COL14A1: variants seen among roughly 807,000 people sequenced by gnomAD.
COL14A1 encodes the protein collagen type XIV alpha 1 chain, also known as collagen alpha-1(XIV) chain.
Under a neutral mutation model 230.3 loss-of-function variants are expected in COL14A1, and 136 were observed. The observed-to-expected ratio is 0.59, with a 90% CI of 0.51 to 0.68. The LOEUF (loss-of-function observed/expected upper bound fraction) is 0.68. COL14A1 is among the 30% of genes least tolerant of loss of function. The pLI, the probability that COL14A1 is intolerant of heterozygous loss-of-function variation, is 0.00. For missense variants in COL14A1, 1,976 were observed against 2,215.8 expected, an observed-to-expected ratio of 0.89 and a Z score of 2.17; for synonymous variants, 792 against 784.1, an observed-to-expected ratio of 1.01 and a Z score of -0.17.
intron 45 of COL14A1, among the ~76,000 whole-genome samples, chr8:120,357,855 G>A (rs1477032406): frequency 1.3e-5 from 2 of 152,094 alleles, no homozygotes; most frequent in African/African-American, 4.8e-5. Context: ...ATGCAGCTGT[G>A]GGCACCTTTA....
At chr8:120,198,059 C>A in intron 7 of COL14A1, 129 bp downstream of exon 7, 1 of 892,386 alleles carries the variant, frequency 1.1e-6, no homozygotes, top group Non-Finnish European at 1.7e-6. Flanking sequence ...TCTTTGATGG[C>A]TGTTTTCCCA....
At chr8:120,270,552 G>T (rs951471012) in intron 26 of COL14A1, among the ~76,000 whole-genome samples, 1 of 151,744 alleles carries the variant, frequency 6.6e-6, no homozygotes, top group Non-Finnish European at 1.5e-5. Context: ...TGTGGAACAT[G>T]AAACTAACTC....
intron 14 of COL14A1, among the ~76,000 whole-genome samples, chr8:120,219,403 T>C (rs1319366281): frequency 1.3e-5 from 2 of 152,170 alleles, no homozygotes; most frequent in Non-Finnish European, 2.9e-5. Context: ...TGTGCCCAGC[T>C]TGGGAAACTT....
Position 120,300,729 on chromosome 8 carries a change from C to G in COL14A1, c.4315-3C>G. 1 of 1,610,604 alleles carries G rather than the reference C, an allele frequency of 6.2e-7. No individual in the cohort carries two copies. The highest frequency in any genetic ancestry group is 1.1e-5 in the South Asian group (1 of 90,498). Reference sequence around the variant, plus strand: ...TGGTTGTGCTTTTTTTGTTTCTTTTCAGAGAGATGATGAGTCTTGCCCAGA... The same window carrying G: ...TGGTTGTGCTTTTTTTGTTTCTTTTGAGAGAGATGATGAGTCTTGCCCAGA... On this transcript the variant is annotated splice_polypyrimidine_tract_variant and splice_region_variant and intron_variant, in intron 35 of 47. Coordinates refer to ENST00000297848, the MANE Select transcript of COL14A1 (RefSeq NM_021110.4).
At chr8:120,350,582 C>T (rs1401319837) in intron 45 of COL14A1, among the ~76,000 whole-genome samples, 1 of 150,726 alleles carries the variant, frequency 6.6e-6, no homozygotes, top group Non-Finnish European at 1.5e-5. Context: ...GCAGGGGTTG[C>T]AATCCTAGTC....
In COL14A1 at chr8:120,208,274, T is replaced by G; in HGVS notation, c.1234T>G (p.Leu412Val). 7 of 1,613,610 alleles carry G rather than the reference T, an allele frequency of 4.3e-6. No individual in the cohort carries two copies. The highest frequency in any genetic ancestry group is 5.9e-6 in the Non-Finnish European group (7 of 1,179,728). The part of the protein sequence containing the change: ...GTVSSTVLKN[L>V]MSLTEYQIAV... The stretch of plus-strand genomic sequence containing the variant: ...TGTATCTTCCACAGTGTTGAAAAAC[T>G]TGATGTCTTTAACTGAATATCAGAT... Residue 412 changes from leucine to valine, a missense_variant, in exon 11 of 48, where the codon TTG (leucine) becomes GTG (valine). Coordinates refer to ENST00000297848, the MANE Select transcript of COL14A1 (RefSeq NM_021110.4).
chr8:120,158,852 T>C (rs765501983), intron 3 of COL14A1, among the ~76,000 whole-genome samples: 3 of 152,166 alleles, frequency 2.0e-5, no homozygotes, highest in Non-Finnish European at 2.9e-5. Flanking sequence ...TTTGGTTGAA[T>C]TTTTCTTTCT....
At chr8:120,193,760 C>T (rs560276476) in intron 5 of COL14A1, among the ~76,000 whole-genome samples, 2 of 152,314 alleles carry the variant, frequency 1.3e-5, no homozygotes, top group African/African-American at 2.4e-5. Flanking sequence ...ATGGTGGGTG[C>T]CCCTCCCCCA....
In COL14A1 at chr8:120,297,588, G is replaced by A; in HGVS notation, c.4314G>A (p.Leu1438=). 2 of 1,377,820 alleles carry A rather than the reference G, an allele frequency of 1.5e-6. No homozygotes were observed. The highest frequency in any genetic ancestry group is 1.9e-6 in the Non-Finnish European group (2 of 1,057,110). The allele number at this position is 1,377,820 out of a possible 1,614,324, so 85.3% of individuals were successfully genotyped here. The change falls in exon 35 of 48, where the codon CTG becomes CTA. Residue 1438 remains leucine (L), a splice_region_variant and synonymous_variant. Transcript: ENST00000297848. ...ACAAATGCTGTGAACTTCCAGGCCT[G>A]GTAAGAATTCTTCCTTCATTTCTAT... ...NTDKCCELPG[L]RDDESCPDLP...
At chr8:120,138,300 T>G (rs1814776509) in intron 1 of COL14A1, among the ~76,000 whole-genome samples, 1 of 152,204 alleles carries the variant, frequency 6.6e-6, no homozygotes, top group African/African-American at 2.4e-5. Context: ...TCACACATAT[T>G]TATGATTAAT....
chr8:120,188,109 G>A (rs184918436), intron 5 of COL14A1, among the ~76,000 whole-genome samples: 2 of 148,394 alleles, frequency 1.3e-5, no homozygotes, highest in Admixed American at 6.8e-5. Flanking sequence ...TTGAGATGGC[G>A]TCTCGTTCTG....
In COL14A1 at chr8:120,170,702, T is replaced by G. The variant is rs1432700134; in HGVS notation, c.436+2455T>G. On this transcript the variant is annotated intron_variant, in intron 5 of 47. Transcript: ENST00000297848. ...AGGCTAGATACATAAAAATAAGAAT[T>G]ATTGTATTTTTCTAGTCAATTTTTC... Among the ~76,000 whole-genome samples the G allele has an allele frequency of 3.3e-5, 5 of 152,112 alleles. No individual in the cohort carries two copies. In the East Asian group the frequency reaches 9.6e-4, roughly 29 times the overall value.
At chr8:120,309,604 G>A (rs1820962154) in intron 36 of COL14A1, among the ~76,000 whole-genome samples, 1 of 152,050 alleles carries the variant, frequency 6.6e-6, no homozygotes, top group Admixed American at 6.5e-5. Context: ...TCAGGTTGTT[G>A]CTACTTTCAT....
chr8:120,201,639 AAT>A (rs1418601560), intron 8 of COL14A1, among the ~76,000 whole-genome samples: 4 of 152,150 alleles, frequency 2.6e-5, no homozygotes, highest in African/African-American at 9.7e-5. Context: ...CTTACCCTGA[AAT>A]TTAACAGTAC....
intron 5 of COL14A1, among the ~76,000 whole-genome samples, chr8:120,180,261 T>TA (rs1816419667): frequency 6.6e-6 from 1 of 152,256 alleles, no homozygotes; most frequent in Non-Finnish European, 1.5e-5. Flanking sequence ...ACTGATGTTA[T>TA]AAAATTTGGA....
At chr8:120,314,431 G>T (rs1158609507) in intron 38 of COL14A1, among the ~76,000 whole-genome samples, 4 of 152,132 alleles carry the variant, frequency 2.6e-5, no homozygotes, top group Non-Finnish European at 5.9e-5. Flanking sequence ...ATTTATTCAT[G>T]ATCCTTATCT....
intron 45 of COL14A1, among the ~76,000 whole-genome samples, chr8:120,346,762 T>C (rs890195522): frequency 2.0e-5 from 3 of 152,196 alleles, no homozygotes; most frequent in Admixed American, 2.0e-4. Context: ...CTGATGCCCT[T>C]ACTGTCTTTT....
chr8:120,238,980 T>C (rs1054394519), intron 19 of COL14A1, among the ~76,000 whole-genome samples: 1 of 152,156 alleles, frequency 6.6e-6, no homozygotes, highest in African/African-American at 2.4e-5. Context: ...GGTACCTCAG[T>C]TGGAAATACA....
At chr8:120,149,690 T>C (rs1268394393) in intron 2 of COL14A1, among the ~76,000 whole-genome samples, 2 of 148,336 alleles carry the variant, frequency 1.3e-5, no homozygotes, top group African/African-American at 4.9e-5. Flanking sequence ...TTTTTTCATT[T>C]TTTTTTTTTT....
Sources: gnomAD v4.1 joint callset for allele counts (sites outside exome capture counted in the v4.1 genomes callset) on GRCh38, gnomAD v4.1.1 for gene constraint, MANE v1.5 for transcripts, NCBI Gene and HGNC (gene_info 2026-07-23, HGNC 2026-07-21) for gene names.